GLCE: variants seen among roughly 807,000 people sequenced by gnomAD.
The protein encoded by GLCE is D-glucuronyl C5-epimerase.
Under a neutral mutation model 47.9 loss-of-function variants are expected in GLCE, and 19 were observed. The observed-to-expected ratio is 0.40, with a 90% CI of 0.28 to 0.58. The LOEUF is 0.58. Ranked by LOEUF, GLCE falls within the 20% of genes least tolerant of loss-of-function variation. GLCE has a pLI of 0.48. For missense variants in GLCE, 556 were observed against 743.3 expected (o/e 0.75, Z 2.93); for synonymous variants, 245 against 263.4 (o/e 0.93, Z 0.68).
At chr15:69,197,807 T>G (rs1215845324) in intron 1 of GLCE, among the ~76,000 whole-genome samples, 1 of 152,090 alleles carries the variant, frequency 6.6e-6, no homozygotes, top group Non-Finnish European at 1.5e-5. Context: ...ACTATGCACA[T>G]TTGGTGTGTA....
chr15:69,249,172 G>T (rs1447645020), intron 2 of GLCE, among the ~76,000 whole-genome samples: 1 of 152,262 alleles, frequency 6.6e-6, no homozygotes, highest in East Asian at 1.9e-4. Context: ...CATCCAAATG[G>T]ATATCTGGGG....
At chr15:69,262,050 C>T (rs553192755) in intron 4 of GLCE, among the ~76,000 whole-genome samples, 44 of 152,212 alleles carry the variant, frequency 2.9e-4, no homozygotes, top group African/African-American at 1.1e-3. Context: ...TTGTCAAGTA[C>T]AGAACTTGTT....
intron 1 of GLCE, among the ~76,000 whole-genome samples, chr15:69,162,635 C>A (rs1482969578): frequency 6.6e-6 from 1 of 152,152 alleles, no homozygotes; most frequent in Non-Finnish European, 1.5e-5. Flanking sequence ...TGGCTCACTG[C>A]AGCCTCGACC....
intron 2 of GLCE, among the ~76,000 whole-genome samples, chr15:69,218,260 A>G (rs1386908282): frequency 6.6e-6 from 1 of 151,878 alleles, no homozygotes; most frequent in African/African-American, 2.4e-5. Flanking sequence ...CTGTAATCCC[A>G]GCATTTTGGG....
At chr15:69,253,160 A>G (rs1351794970) in intron 2 of GLCE, among the ~76,000 whole-genome samples, 1 of 152,148 alleles carries the variant, frequency 6.6e-6, no homozygotes, top group Admixed American at 6.5e-5. Context: ...TCACCCCTAC[A>G]CTTGAATACA....
chr15:69,186,336 CA>C (rs2051823696), intron 1 of GLCE, among the ~76,000 whole-genome samples: 1 of 152,146 alleles, frequency 6.6e-6, no homozygotes, highest in African/African-American at 2.4e-5. Context: ...TGAGGCCTCA[CA>C]CCCTCAGCAT....
intron 2 of GLCE, among the ~76,000 whole-genome samples, chr15:69,255,022 C>G (rs554973768): frequency 6.6e-6 from 1 of 152,126 alleles, no homozygotes; most frequent in Admixed American, 6.5e-5. Flanking sequence ...GAGAATGGTG[C>G]CCTAGAAACC....
intron 4 of GLCE, among the ~76,000 whole-genome samples, chr15:69,264,517 T>C (rs527971344): frequency 2.3e-4 from 35 of 152,340 alleles, no homozygotes; most frequent in African/African-American, 8.4e-4. Context: ...AGGTATCTTT[T>C]TGAGGTTATT....
intron 2 of GLCE, among the ~76,000 whole-genome samples, chr15:69,212,503 A>C (rs1348510394): frequency 6.6e-6 from 1 of 152,072 alleles, no homozygotes; most frequent in Non-Finnish European, 1.5e-5. Flanking sequence ...TATCATTGAA[A>C]TTAAATATGT....
At chr15:69,185,351 A>G (rs1459434448) in intron 1 of GLCE, among the ~76,000 whole-genome samples, 1 of 152,188 alleles carries the variant, frequency 6.6e-6, no homozygotes, top group East Asian at 1.9e-4. Context: ...TTCAACCTCC[A>G]GTAATTGACT....
intron 1 of GLCE, among the ~76,000 whole-genome samples, chr15:69,173,984 G>T (rs2051624071): frequency 6.6e-6 from 1 of 151,956 alleles, no homozygotes. Context: ...CAGCCTCCCA[G>T]GTAGCTGGGA....
chr15:69,231,122 C>G (rs753023978), intron 2 of GLCE, among the ~76,000 whole-genome samples: 2 of 152,160 alleles, frequency 1.3e-5, no homozygotes, highest in Non-Finnish European at 2.9e-5. Context: ...CTTTGCAATT[C>G]TGATGACAGT....
chr15:69,179,088 A>T (rs902329164), intron 1 of GLCE, among the ~76,000 whole-genome samples: 4 of 152,212 alleles, frequency 2.6e-5, no homozygotes, highest in Non-Finnish European at 5.9e-5. Flanking sequence ...CACATTAATA[A>T]ACATATTTTG....
At chr15:69,243,287 G>A (rs1217264299) in intron 2 of GLCE, among the ~76,000 whole-genome samples, 3 of 152,026 alleles carry the variant, frequency 2.0e-5, no homozygotes, top group South Asian at 2.1e-4. Context: ...CAATAACCAC[G>A]AATGTGTCTT....
In GLCE at chr15:69,270,005, A is replaced by G. The variant is rs771633966; in HGVS notation, c.*761A>G. 1 of 152,514 alleles carries G rather than the reference A, an allele frequency of 6.6e-6. No individual in the cohort carries two copies. Among genetic ancestry groups the G allele is most frequent in the Non-Finnish European group, 1.5e-5 (1 of 68,006 alleles). 9.4% of individuals were successfully genotyped at this position (152,514 alleles called of 1,614,324 possible). ...ATCAGTATATCCCTTCCCAACCCCCATTGTGACAGTTTCTTTTTGTCACTG... is the reference window on the plus strand; with the variant it reads ...ATCAGTATATCCCTTCCCAACCCCCGTTGTGACAGTTTCTTTTTGTCACTG... On this transcript the variant is annotated 3_prime_UTR_variant, in exon 5 of 5. Transcript: ENST00000261858.
At chr15:69,162,626 G>A (rs1232879193) in intron 1 of GLCE, among the ~76,000 whole-genome samples, 1 of 151,858 alleles carries the variant, frequency 6.6e-6, no homozygotes, top group African/African-American at 2.4e-5. Context: ...TCGCTACCAT[G>A]GCTCACTGCA....
At chr15:69,171,792 A>G (rs2051593277) in intron 1 of GLCE, among the ~76,000 whole-genome samples, 1 of 152,124 alleles carries the variant, frequency 6.6e-6, no homozygotes, top group Non-Finnish European at 1.5e-5. Context: ...AGCCCAGGAT[A>G]AGTTAGGGGT....
chr15:69,259,948 C>G (rs2052987706), intron 3 of GLCE, among the ~76,000 whole-genome samples: 1 of 152,144 alleles, frequency 6.6e-6, no homozygotes, highest in Admixed American at 6.6e-5. Context: ...AATTTTAGAA[C>G]TACAGATAGT....
chr15:69,177,567 A>G (rs2051686392), intron 1 of GLCE, among the ~76,000 whole-genome samples: 1 of 152,140 alleles, frequency 6.6e-6, no homozygotes, highest in African/African-American at 2.4e-5. Flanking sequence ...CACATTCAAA[A>G]TAGTGACCAT....
Sources: gnomAD v4.1 joint callset for allele counts (sites outside exome capture counted in the v4.1 genomes callset) on GRCh38, gnomAD v4.1.1 for gene constraint, MANE v1.5 for transcripts, NCBI Gene and HGNC (gene_info 2026-07-23, HGNC 2026-07-21) for gene names.